DIAPH2: variants seen among roughly 807,000 people sequenced by gnomAD.
DIAPH2 encodes diaphanous related formin 2.
In DIAPH2, 35 loss-of-function variants were observed where a neutral mutation model predicts 92.7. That is an observed-to-expected ratio of 0.38 (90% CI 0.29 to 0.50). The LOEUF (loss-of-function observed/expected upper bound fraction) is 0.50. Ranked by LOEUF, DIAPH2 falls within the 20% of genes least tolerant of loss-of-function variation. The pLI, the probability that DIAPH2 is intolerant of heterozygous loss-of-function variation, is 0.94. For synonymous variants in DIAPH2, 301 were observed against 280.4 expected (o/e 1.07, Z -0.73); for missense variants, 701 against 819.5 (o/e 0.86, Z 1.77).
chrX:97,427,988 C>CTTA (rs1265561362), intron 25 of DIAPH2, among the ~76,000 whole-genome samples: 2 of 110,882 alleles, frequency 1.8e-5, no homozygotes, highest in Non-Finnish European at 3.8e-5. Flanking sequence ...CGCCCAGCCT[C>CTTA]TTAATGAATG....
chrX:97,176,597 G>A (rs933117663), intron 22 of DIAPH2, among the ~76,000 whole-genome samples: 6 of 110,464 alleles, frequency 5.4e-5, no homozygotes, highest in East Asian at 5.7e-4. Context: ...GCGAGATCTC[G>A]GCTCCCTGCA....
chrX:97,375,480 A>G lies in DIAPH2; in HGVS notation c.3010-8429A>G, dbSNP rs776152433. On this transcript the variant is annotated intron_variant, in intron 24 of 26. Coordinates refer to ENST00000324765, the MANE Select transcript of DIAPH2 (RefSeq NM_006729.5). ...TCAAAAAAAACAAAAACAAACAAAC[A>G]AAAAAAACTGTCAGTAGTAGCCAAA... is the stretch of plus-strand genomic sequence containing the variant. Among the ~76,000 whole-genome samples the G allele has an allele frequency of 3.6e-5, 4 of 111,546 alleles. No homozygotes were observed. The South Asian group carries it at 1.1e-3, about 32-fold the overall frequency.
At chrX:96,876,581 TA>T (rs1392089764) in intron 4 of DIAPH2, among the ~76,000 whole-genome samples, 4 of 111,584 alleles carry the variant, frequency 3.6e-5, no homozygotes, top group East Asian at 2.8e-4. Context: ...TATGCAGCCA[TA>T]AAAAATGATG....
At chrX:96,729,644 A>G (rs931220915) in intron 1 of DIAPH2, among the ~76,000 whole-genome samples, 17 of 111,922 alleles carry the variant, frequency 1.5e-4, no homozygotes, top group African/African-American at 5.5e-4. Context: ...GAAACCCTAT[A>G]CTGTGATGTC....
At chrX:96,745,919 A>AT (rs1418813874) in intron 3 of DIAPH2, among the ~76,000 whole-genome samples, 1 of 111,900 alleles carries the variant, frequency 8.9e-6, no homozygotes, top group East Asian at 2.8e-4. Flanking sequence ...ATATTTATTT[A>AT]TTTTTTTGTT....
intron 23 of DIAPH2, among the ~76,000 whole-genome samples, chrX:97,305,824 C>CAAAAAAAAAAAAAA (rs754094514): frequency 2.2e-4 from 11 of 49,179 alleles, no homozygotes; most frequent in Non-Finnish European, 4.0e-4. Context: ...ACTCCTTCTC[C>CAAAAAAAAAAAAAA]AAAAAAAAAA....
chrX:96,726,264 T>G (rs773590195), intron 1 of DIAPH2, among the ~76,000 whole-genome samples: 16 of 111,595 alleles, frequency 1.4e-4, no homozygotes, highest in Middle Eastern at 4.2e-3. Context: ...CCAGCCCCAA[T>G]TCTGTCAATC....
intron 22 of DIAPH2, among the ~76,000 whole-genome samples, chrX:97,246,281 G>T: frequency 9.0e-6 from 1 of 111,232 alleles, no homozygotes; most frequent in Middle Eastern, 4.6e-3. Flanking sequence ...ATACAGCAGA[G>T]AAACCTAAGT....
rs1382823935 is a variant in DIAPH2 at position 97,554,999 on chromosome X, T to C, written c.3242-44254T>C. 3.0e-4 allele frequency among the ~76,000 whole-genome samples: 33 copies of C among 110,993 alleles called. No homozygotes were observed. The Admixed American group carries it at 3.2e-3, about 11-fold the overall frequency. On this transcript the variant is annotated intron_variant, in intron 26 of 26. Transcript: ENST00000324765. ...CAACAAGGCAGCTGTAGGTCTTTAC[T>C]GTTCATGTTGGGTTTTGCCAGCAGA...
At chrX:96,750,647 G>T (rs1055839168) in intron 3 of DIAPH2, among the ~76,000 whole-genome samples, 2 of 111,692 alleles carry the variant, frequency 1.8e-5, no homozygotes, top group Non-Finnish European at 3.8e-5. Flanking sequence ...TTGTTCTAAC[G>T]GTGACACAAA....
chrX:97,255,453 T>C (rs2068229263), intron 23 of DIAPH2, among the ~76,000 whole-genome samples: 1 of 112,062 alleles, frequency 8.9e-6, no homozygotes, highest in African/African-American at 3.2e-5. Flanking sequence ...TACATGTACA[T>C]ATCTATTTTG....
chrX:97,431,620 G>T (rs1326818808), intron 26 of DIAPH2: 1 of 112,662 alleles, frequency 8.9e-6, no homozygotes, highest in Non-Finnish European at 1.9e-5. Context: ...TGTAGCTGGA[G>T]TGCCTCCATG....
intron 4 of DIAPH2, among the ~76,000 whole-genome samples, chrX:96,759,274 A>G (rs995571043): frequency 2.7e-5 from 3 of 111,826 alleles, no homozygotes; most frequent in African/African-American, 9.7e-5. Flanking sequence ...GGCAATTACT[A>G]ATGCATTTTG....
chrX:97,380,397 A>C (rs899538735), intron 24 of DIAPH2, among the ~76,000 whole-genome samples: 3 of 111,821 alleles, frequency 2.7e-5, no homozygotes, highest in African/African-American at 9.7e-5. Context: ...AGTACTCATG[A>C]GTTAGTGTTT....
chrX:97,429,878 A>G, intron 26 of DIAPH2, 133 bp downstream of exon 26: 1 of 582,664 alleles, frequency 1.7e-6, no homozygotes, highest in Non-Finnish European at 2.6e-6. Context: ...ATCTCAGCTC[A>G]TGTGTGAAAT....
chrX:97,411,613 G>A (rs776954826), intron 25 of DIAPH2, among the ~76,000 whole-genome samples: 4 of 112,008 alleles, frequency 3.6e-5, no homozygotes, highest in Non-Finnish European at 7.5e-5. Flanking sequence ...CTGGCAAGTT[G>A]AATAAAGAGT....
chrX:97,061,780 C>T (rs955685825), intron 17 of DIAPH2, among the ~76,000 whole-genome samples: 5 of 91,748 alleles, frequency 5.4e-5, no homozygotes, highest in Admixed American at 4.0e-4. Context: ...CACCACTGCA[C>T]TCCAGCCTGG....
chrX:97,187,377 G>A (rs1173422196), intron 22 of DIAPH2, among the ~76,000 whole-genome samples: 1 of 95,468 alleles, frequency 1.0e-5, no homozygotes. Flanking sequence ...CCGGGTTCAA[G>A]TGATTCTCCA....
chrX:96,733,639 A>G (rs2064069516), intron 1 of DIAPH2, among the ~76,000 whole-genome samples: 1 of 111,946 alleles, frequency 8.9e-6, no homozygotes, highest in African/African-American at 3.2e-5. Flanking sequence ...TCACAGTATC[A>G]CTTTGTCAGC....
Sources: gnomAD v4.1 joint callset for allele counts (sites outside exome capture counted in the v4.1 genomes callset) on GRCh38, gnomAD v4.1.1 for gene constraint, MANE v1.5 for transcripts, NCBI Gene and HGNC (gene_info 2026-07-23, HGNC 2026-07-21) for gene names.